ZEB1: variants seen among roughly 807,000 people sequenced by gnomAD.
ZEB1 encodes the protein zinc finger E-box-binding homeobox 1.
ZEB1 carries 21 observed loss-of-function variants against 84.9 expected under a neutral mutation model. The ratio of observed to expected loss-of-function variants is 0.25; its 90% CI spans 0.18 to 0.36. ZEB1 has a LOEUF of 0.36. Ranked by LOEUF, ZEB1 falls within the 10% of genes least tolerant of loss-of-function variation. The probability of loss-of-function intolerance (pLI) is 1.00; values close to 1 mark genes in which losing one functional copy is unlikely to be tolerated. For synonymous variants in ZEB1, 420 were observed against 471.1 expected, an observed-to-expected ratio of 0.89 and a Z score of 1.41; for missense variants, 1,104 against 1,330.2, an observed-to-expected ratio of 0.83 and a Z score of 2.65.
At chr10:31,395,469 G>A (rs1590800277) in intron 1 of ZEB1, among the ~76,000 whole-genome samples, 1 of 152,150 alleles carries the variant, frequency 6.6e-6, no homozygotes, top group East Asian at 1.9e-4. Flanking sequence ...CTTTCCTTTA[G>A]CACAATAAAG....
At chr10:31,461,007 T>A (rs1174949327) in intron 1 of ZEB1, 30 bp from the exon 2 acceptor site, 1 of 1,581,664 alleles carries the variant, frequency 6.3e-7, no homozygotes, top group Non-Finnish European at 8.7e-7. Context: ...CTAGTTGGTT[T>A]TGATTATTTG....
Position 31,501,287 on chromosome 10 carries a change from G to C in ZEB1, c.323-1061G>C, listed in dbSNP as rs143578549. On this transcript the variant is annotated intron_variant, in intron 3 of 8. Coordinates refer to ENST00000424869, the MANE Select transcript of ZEB1 (RefSeq NM_001174096.2). ...TTCTGGAGCCAGTGGAGGAAATGGA[G>C]GAAAACCATAGTGCAGCAATAATGC... Among the ~76,000 whole-genome samples, 761 of 152,286 alleles carry C rather than the reference G, an allele frequency of 5.0e-3. 2 individuals are homozygous for C. Among genetic ancestry groups the C allele is most frequent in the Non-Finnish European group, 8.6e-3 (585 of 68,018 alleles).
intron 1 of ZEB1, chr10:31,321,271 A>G (rs1589905853): frequency 3.8e-6 from 5 of 1,322,734 alleles, no homozygotes; most frequent in Non-Finnish European, 4.8e-6. Flanking sequence ...CTTCCAATCC[A>G]TAATTATATT....
At chr10:31,411,435 T>A (rs2054232997) in intron 1 of ZEB1, among the ~76,000 whole-genome samples, 1 of 151,878 alleles carries the variant, frequency 6.6e-6, no homozygotes, top group Admixed American at 6.5e-5. Context: ...ATCGAGACCA[T>A]CCTGGCTAAC....
At position 31,521,328 on chromosome 10, in the gene ZEB1, G is replaced by C; in HGVS notation, c.1996G>C (p.Ala666Pro). Residue 666 changes from alanine (A) to proline (P), a missense_variant, in exon 7 of 9, where the codon GCA becomes CCA. Coordinates refer to ENST00000424869, the MANE Select transcript of ZEB1 (RefSeq NM_001174096.2). Reference sequence around the variant, plus strand: ...CAAGAACAATGATCAGCCTCAATCTGCAAATGCAAATGAACCCCAGGACAG... The same window carrying C: ...CAAGAACAATGATCAGCCTCAATCTCCAAATGCAAATGAACCCCAGGACAG... ...PAKNNDQPQS[A>P]NANEPQDSTV... The C allele has an allele frequency of 6.2e-7, 1 of 1,614,074 alleles. No homozygotes were observed. The highest frequency in any genetic ancestry group is 8.5e-7 in the Non-Finnish European group (1 of 1,180,008).
chr10:31,440,740 C>A (rs911509613), intron 1 of ZEB1, among the ~76,000 whole-genome samples: 1 of 152,170 alleles, frequency 6.6e-6, no homozygotes, highest in African/African-American at 2.4e-5. Context: ...GGCAAAATCA[C>A]AAGCATTCTT....
chr10:31,505,797 G>A (rs1018921787), intron 4 of ZEB1, among the ~76,000 whole-genome samples: 4 of 151,468 alleles, frequency 2.6e-5, no homozygotes, highest in African/African-American at 9.7e-5. Context: ...CCTAATTTAG[G>A]GTTTGCTTTG....
At chr10:31,413,889 A>G (rs2054738852) in intron 1 of ZEB1, among the ~76,000 whole-genome samples, 1 of 152,174 alleles carries the variant, frequency 6.6e-6, no homozygotes, top group Non-Finnish European at 1.5e-5. Flanking sequence ...CTGTGTTTCT[A>G]ACTGACCCTA....
At chr10:31,508,481 G>A (rs941068582) in intron 4 of ZEB1, among the ~76,000 whole-genome samples, 3 of 152,134 alleles carry the variant, frequency 2.0e-5, no homozygotes, top group African/African-American at 7.2e-5. Flanking sequence ...ATGCAGGAGG[G>A]TGCCAGCTGT....
intron 2 of ZEB1, among the ~76,000 whole-genome samples, chr10:31,484,316 A>G (rs546491487): frequency 1.3e-5 from 2 of 152,136 alleles, no homozygotes; most frequent in East Asian, 3.9e-4. Flanking sequence ...ACAATGTAAA[A>G]AAAATCACAC....
chr10:31,331,512 G>A (rs1369448186), intron 1 of ZEB1, among the ~76,000 whole-genome samples: 2 of 152,172 alleles, frequency 1.3e-5, no homozygotes, highest in African/African-American at 4.8e-5. Context: ...TGTATGCAAG[G>A]TAATGAGACC....
At chr10:31,375,622 A>G (rs1019232826) in intron 1 of ZEB1, among the ~76,000 whole-genome samples, 2 of 151,738 alleles carry the variant, frequency 1.3e-5, no homozygotes, top group African/African-American at 2.4e-5. Flanking sequence ...ACTTCTCAAT[A>G]TAGGAAATAA....
At chr10:31,395,563 T>C (rs907517446) in intron 1 of ZEB1, among the ~76,000 whole-genome samples, 1 of 152,136 alleles carries the variant, frequency 6.6e-6, no homozygotes, top group Admixed American at 6.6e-5. Flanking sequence ...TTCATGAGAT[T>C]TGGGCAGGGG....
intron 1 of ZEB1, among the ~76,000 whole-genome samples, chr10:31,447,857 A>T (rs1446646796): frequency 6.6e-6 from 1 of 152,010 alleles, no homozygotes. Flanking sequence ...TTCTTCCTTC[A>T]TTTCAACTTT....
intron 1 of ZEB1, among the ~76,000 whole-genome samples, chr10:31,343,713 T>G (rs1160603045): frequency 1.3e-5 from 2 of 152,066 alleles, no homozygotes; most frequent in Non-Finnish European, 2.9e-5. Flanking sequence ...AGAGCAGGTG[T>G]GCTATGGTTT....
chr10:31,346,020 AT>A (rs1210202224), intron 1 of ZEB1, among the ~76,000 whole-genome samples: 2 of 152,164 alleles, frequency 1.3e-5, no homozygotes, highest in South Asian at 2.1e-4. Flanking sequence ...AAGTTATGTA[AT>A]TTGGCTTACA....
chr10:31,368,541 AT>A (rs1330129229), intron 1 of ZEB1, among the ~76,000 whole-genome samples: 1 of 151,832 alleles, frequency 6.6e-6, no homozygotes, highest in Non-Finnish European at 1.5e-5. Flanking sequence ...TATTATATTG[AT>A]TTTTATTTGT....
chr10:31,368,341 G>C (rs980694666), intron 1 of ZEB1, among the ~76,000 whole-genome samples: 1 of 152,008 alleles, frequency 6.6e-6, no homozygotes, highest in African/African-American at 2.4e-5. Context: ...CTTTTTTGTA[G>C]AGATAGAGTT....
chr10:31,392,930 G>A (rs1330760935), intron 1 of ZEB1, among the ~76,000 whole-genome samples: 1 of 152,114 alleles, frequency 6.6e-6, no homozygotes, highest in African/African-American at 2.4e-5. Flanking sequence ...GACCTCTGAG[G>A]CTCAAGCCAT....
Sources: allele counts gnomAD v4.1 joint callset (sites outside exome capture counted in the v4.1 genomes callset), GRCh38; gene constraint gnomAD v4.1.1; transcripts MANE v1.5; gene names NCBI Gene and HGNC (gene_info 2026-07-23, HGNC 2026-07-21).